MYO1B: variants seen among roughly 807,000 people sequenced by gnomAD.
The protein encoded by MYO1B is unconventional myosin-Ib.
A neutral mutation model predicts 159.7 loss-of-function variants in MYO1B; 72 were observed. The observed-to-expected ratio is 0.45, with a 90% CI of 0.37 to 0.55. The LOEUF (loss-of-function observed/expected upper bound fraction) is 0.55, where lower values mean the gene tolerates loss of function less well. Ranked by LOEUF, MYO1B falls within the 20% of genes least tolerant of loss-of-function variation. MYO1B has a pLI of 0.00. For synonymous variants in MYO1B, 468 were observed against 473.8 expected (o/e 0.99, Z 0.16); for missense variants, 1,062 against 1,364.8 (o/e 0.78, Z 3.50).
At chr2:191,326,811 T>TGC (rs1356684826) in intron 3 of MYO1B, among the ~76,000 whole-genome samples, 79 of 130,882 alleles carry the variant, frequency 6.0e-4, no homozygotes, top group Middle Eastern at 8.3e-3. Context: ...TGTGTGTGTG[T>TGC]GTGTGCGCGC....
At chr2:191,344,239 A>G (rs779311316) in intron 5 of MYO1B, among the ~76,000 whole-genome samples, 36 of 152,358 alleles carry the variant, frequency 2.4e-4, no homozygotes, top group Admixed American at 2.4e-3. Flanking sequence ...CGTCTTCATG[A>G]TAACTAGGTC....
At position 191,414,688 on chromosome 2, in the gene MYO1B, A is replaced by G; in HGVS notation, c.3159+19A>G. 6.3e-7 allele frequency: 1 copy of G among 1,594,348 alleles called. No homozygotes were observed. The highest frequency in any genetic ancestry group is 8.5e-7 in the Non-Finnish European group (1 of 1,173,240). On this transcript the variant is annotated intron_variant, in intron 29 of 30. Transcript: ENST00000392318. ...CAAAGAGGTAAAGGTTCAACAGAAG[A>G]TTTCTGTGCTTAATCTCTCAGCCAT... is the stretch of plus-strand genomic sequence containing the variant.
intron 30 of MYO1B, among the ~76,000 whole-genome samples, chr2:191,422,741 A>G (rs1288936590): frequency 6.6e-6 from 1 of 152,184 alleles, no homozygotes; most frequent in Non-Finnish European, 1.5e-5. Context: ...TTTAGAAGCC[A>G]TAGACTAGAG....
chr2:191,328,021 A>AT (rs1691215913), intron 3 of MYO1B, among the ~76,000 whole-genome samples: 1 of 152,204 alleles, frequency 6.6e-6, no homozygotes, highest in Non-Finnish European at 1.5e-5. Context: ...GTAGGAGAAC[A>AT]TGATGAGAGA....
intron 17 of MYO1B, chr2:191,387,701 C>G: frequency 2.0e-6 from 1 of 509,124 alleles, no homozygotes; most frequent in East Asian, 3.2e-5. Context: ...TGGTTGAGAC[C>G]TAGGGGTTTT....
chr2:191,386,127 C>T, intron 16 of MYO1B, 43 bp downstream of exon 16: 1 of 1,594,752 alleles, frequency 6.3e-7, no homozygotes, highest in Non-Finnish European at 8.6e-7. Context: ...TGCCAAGTTA[C>T]CCCTGCAAGG....
Position 191,363,852 on chromosome 2 carries a change from A to C in MYO1B, c.890A>C (p.Glu297Ala). The change falls in exon 10 of 31, where the codon GAA becomes GCA. Residue 297 changes from glutamate (E) to alanine (A), a missense_variant. Glu to Ala is a moderately radical substitution (Grantham distance 107). Coordinates refer to ENST00000392318, the MANE Select transcript of MYO1B (RefSeq NM_001130158.3). ...KPESRVNGLDESKIKDKNELK... is the reference protein window; with the variant it reads ...KPESRVNGLDASKIKDKNELK... ...GAATCTCGAGTGAATGGTCTAGATGAAAGCAAAATCAAAGATAAAAATGGT... is the reference window on the plus strand; with the variant it reads ...GAATCTCGAGTGAATGGTCTAGATGCAAGCAAAATCAAAGATAAAAATGGT... 1.2e-6 allele frequency: 2 copies of C among 1,613,648 alleles called. No homozygotes were observed. Among genetic ancestry groups the C allele is most frequent in the Non-Finnish European group, 1.7e-6 (2 of 1,179,818 alleles).
At chr2:191,372,227 A>T (rs1694407826) in intron 13 of MYO1B, among the ~76,000 whole-genome samples, 1 of 152,232 alleles carries the variant, frequency 6.6e-6, no homozygotes, top group Admixed American at 6.5e-5. Flanking sequence ...AAAGAAACTG[A>T]TTTTGTTTTA....
At chr2:191,296,004 A>G (rs768009556) in intron 2 of MYO1B, 107 bp from the exon 3 acceptor site, 9 of 482,436 alleles carry the variant, frequency 1.9e-5, no homozygotes, top group Middle Eastern at 5.3e-4. Flanking sequence ...GTGAAGCAGA[A>G]CTAGTGTTGA....
intron 1 of MYO1B, among the ~76,000 whole-genome samples, chr2:191,269,991 A>G (rs1422043613): frequency 1.3e-5 from 2 of 152,300 alleles, no homozygotes; most frequent in East Asian, 3.9e-4. Context: ...GCCAAGTGGT[A>G]GAGATGATTG....
At chr2:191,314,972 C>T (rs1341433583) in intron 3 of MYO1B, among the ~76,000 whole-genome samples, 2 of 152,112 alleles carry the variant, frequency 1.3e-5, no homozygotes, top group African/African-American at 2.4e-5. Context: ...TTCTGCTGAA[C>T]CTGTGTGTGT....
intron 1 of MYO1B, among the ~76,000 whole-genome samples, chr2:191,262,292 C>G (rs912221024): frequency 6.6e-6 from 1 of 152,070 alleles, no homozygotes; most frequent in Admixed American, 6.6e-5. Flanking sequence ...TTCTGCCGCC[C>G]CCCCTCCTCC....
chr2:191,315,432 AAAAT>A (rs768311592), intron 3 of MYO1B, among the ~76,000 whole-genome samples: 35 of 152,372 alleles, frequency 2.3e-4, no homozygotes, highest in Non-Finnish European at 4.7e-4. Context: ...TCAATGTAAT[AAAAT>A]AAATAGCTTT....
chr2:191,267,288 T>C (rs1687200863), intron 1 of MYO1B, among the ~76,000 whole-genome samples: 2 of 152,216 alleles, frequency 1.3e-5, no homozygotes. Flanking sequence ...GGTAATTTCA[T>C]GTCCTTTGTA....
At chr2:191,423,731 G>A in intron 30 of MYO1B, 106 bp from the exon 31 acceptor site, 1 of 1,266,110 alleles carries the variant, frequency 7.9e-7, no homozygotes, top group African/African-American at 1.5e-5. Context: ...GGGATGCGCA[G>A]CCTGTACTCG....
At chr2:191,364,028 GT>G in intron 10 of MYO1B, 129 bp from the exon 11 acceptor site, 1 of 1,232,012 alleles carries the variant, frequency 8.1e-7, no homozygotes, top group Non-Finnish European at 1.2e-6. Flanking sequence ...GCTAAGCTTT[GT>G]TTTTTGATGT....
In MYO1B at chr2:191,329,984, GACCA is replaced by G; in HGVS notation, c.303_306del (p.Gln102ValfsTer56). On this transcript the variant is annotated frameshift_variant, in exon 4 of 31. Coordinates refer to ENST00000392318, the MANE Select transcript of MYO1B (RefSeq NM_001130158.3). LOFTEE classifies it high-confidence loss of function. ...CAGATCCCTACGAGATCAAGATAAG[GACCA>G]ATGTATTCTCATTACTGGGGAAAGT... 6.2e-7 allele frequency: 1 copy of G among 1,612,630 alleles called. No homozygotes were observed.
chr2:191,319,215 G>A (rs1456175382), intron 3 of MYO1B, among the ~76,000 whole-genome samples: 1 of 152,152 alleles, frequency 6.6e-6, no homozygotes, highest in Non-Finnish European at 1.5e-5. Context: ...AACAGACTTG[G>A]CATCTTGAGC....
At chr2:191,350,771 G>C (rs1264991984) in intron 7 of MYO1B, among the ~76,000 whole-genome samples, 1 of 151,018 alleles carries the variant, frequency 6.6e-6, no homozygotes, top group African/African-American at 2.4e-5. Context: ...GACATGATTT[G>C]TGACTGTGGA....
Sources: gnomAD v4.1 joint callset for allele counts (sites outside exome capture counted in the v4.1 genomes callset) on GRCh38, gnomAD v4.1.1 for gene constraint, MANE v1.5 for transcripts, NCBI Gene and HGNC (gene_info 2026-07-23, HGNC 2026-07-21) for gene names.